The following FHIT variants were observed in gnomAD, a reference collection of about 807,000 sequenced individuals.
The protein encoded by FHIT is fragile histidine triad diadenosine triphosphatase, also known as bis(5'-adenosyl)-triphosphatase.
FHIT carries 19 observed loss-of-function variants against 17.9 expected under a neutral mutation model. The observed-to-expected ratio is 1.06, with a 90% CI of 0.74 to 1.56. The LOEUF (loss-of-function observed/expected upper bound fraction) is 1.56. Among genes scored for constraint, FHIT ranks in the 40% most tolerant of loss-of-function variants. The pLI, the probability that FHIT is intolerant of heterozygous loss-of-function variation, is 0.00. For synonymous variants in FHIT, 81 were observed against 69.7 expected (o/e 1.16, Z -0.81); for missense variants, 248 against 189.2 (o/e 1.31, Z -1.82).
At chr3:60,354,394 C>T (rs35450604) in intron 5 of FHIT, among the ~76,000 whole-genome samples, 69,858 of 151,786 alleles carry the variant, frequency 0.46, 16,835 homozygotes, top group South Asian at 0.6. Flanking sequence ...TGAAGGCATA[C>T]ATTCCTATAC....
intron 4 of FHIT, among the ~76,000 whole-genome samples, chr3:60,746,232 C>T (rs75966640): frequency 0.027 from 4,176 of 152,310 alleles, 108 homozygotes; most frequent in African/African-American, 0.061. Flanking sequence ...AAAGGTTTCT[C>T]TTCATTTCCC....
intron 2 of FHIT, among the ~76,000 whole-genome samples, chr3:61,077,665 C>G (rs2035012625): frequency 6.6e-6 from 1 of 152,132 alleles, no homozygotes; most frequent in South Asian, 2.1e-4. Context: ...TAAGAACTCT[C>G]AGCTCAAAAG....
chr3:60,512,326 C>T (rs2034982730), intron 5 of FHIT, among the ~76,000 whole-genome samples: 1 of 152,154 alleles, frequency 6.6e-6, no homozygotes, highest in African/African-American at 2.4e-5. Flanking sequence ...AGCCAGTCAG[C>T]AACAGACTCA....
intron 5 of FHIT, among the ~76,000 whole-genome samples, chr3:60,213,180 T>C (rs995965979): frequency 4.6e-5 from 7 of 152,148 alleles, no homozygotes; most frequent in Admixed American, 3.3e-4. Flanking sequence ...ATTCCAATGA[T>C]AGAGAGAACA....
intron 5 of FHIT, among the ~76,000 whole-genome samples, chr3:60,193,847 A>G (rs1336739095): frequency 6.6e-6 from 1 of 152,202 alleles, no homozygotes; most frequent in Non-Finnish European, 1.5e-5. Flanking sequence ...CACCTCAGCC[A>G]AAGTGGTTCA....
At chr3:60,196,200 C>G (rs945301747) in intron 5 of FHIT, among the ~76,000 whole-genome samples, 2 of 152,130 alleles carry the variant, frequency 1.3e-5, no homozygotes, top group African/African-American at 4.8e-5. Flanking sequence ...ATGGCTGTCA[C>G]TGGGGTAAAA....
At position 59,749,465 on chromosome 3, in the gene FHIT, A is replaced by G; in HGVS notation, c.*120T>C. The G allele has an allele frequency of 4.3e-6, 1 of 231,794 alleles. No homozygotes were observed. The highest frequency in any genetic ancestry group is 1.8e-4 in the South Asian group (1 of 5,494). 14.4% of individuals were successfully genotyped at this position (231,794 alleles called of 1,614,324 possible). ...ACTGGTTGAAGAATACAGGATGGTG[A>G]GATGAAGAAACTGCATTTTCATGCT... On this transcript the variant is annotated 3_prime_UTR_variant, in exon 10 of 10. Transcript: ENST00000492590.
chr3:60,142,094 G>T (rs1274086893), intron 5 of FHIT, among the ~76,000 whole-genome samples: 1 of 152,132 alleles, frequency 6.6e-6, no homozygotes, highest in Non-Finnish European at 1.5e-5. Context: ...ATCCATTCCT[G>T]TTATCCTTTT....
At chr3:60,231,144 T>C (rs1024434273) in intron 5 of FHIT, among the ~76,000 whole-genome samples, 1 of 152,198 alleles carries the variant, frequency 6.6e-6, no homozygotes, top group Non-Finnish European at 1.5e-5. Context: ...ATGCTCATAT[T>C]TGTGAAATGG....
intron 2 of FHIT, among the ~76,000 whole-genome samples, chr3:61,043,079 G>A (rs570783447): frequency 1.9e-4 from 29 of 152,130 alleles, no homozygotes; most frequent in Admixed American, 4.6e-4. Flanking sequence ...TTCCAACTGA[G>A]GTACCGGGTT....
At chr3:60,424,543 C>G (rs1576632441) in intron 5 of FHIT, among the ~76,000 whole-genome samples, 1 of 152,130 alleles carries the variant, frequency 6.6e-6, no homozygotes, top group East Asian at 1.9e-4. Flanking sequence ...GTCACAATCT[C>G]TTGTGCTCTG....
At chr3:60,343,733 T>G (rs1364245003) in intron 5 of FHIT, among the ~76,000 whole-genome samples, 1 of 152,136 alleles carries the variant, frequency 6.6e-6, no homozygotes, top group East Asian at 1.9e-4. Flanking sequence ...CACATTCTGA[T>G]GCACTGTGGA....
Position 59,760,275 on chromosome 3 carries a change from C to G in FHIT, c.349-7954G>C, listed in dbSNP as rs183762309. On this transcript the variant is annotated intron_variant, in intron 8 of 9. Coordinates refer to ENST00000492590, the MANE Select transcript of FHIT (RefSeq NM_002012.4). ...TTGGATGTTTAAGAATTTGTAACCC[C>G]CAAAAGTAAGTATTAACTAGAAAAT... Among the ~76,000 whole-genome samples, 59 of 152,144 alleles carry G rather than the reference C, an allele frequency of 3.9e-4. 1 individual carries two copies. Among genetic ancestry groups the G allele is most frequent in the African/African-American group, 1.4e-3 (57 of 41,506 alleles).
Position 60,369,737 on chromosome 3 carries a change from C to A in FHIT, c.103+167123G>T, listed in dbSNP as rs1236531975. On this transcript the variant is annotated intron_variant, in intron 5 of 9. Transcript: ENST00000492590. The stretch of plus-strand genomic sequence containing the variant: ...ACCTTCTACACTGGCTGCGACAGGA[C>A]TCCAATATCTCTCAGCATTGTGTGA... Among the ~76,000 whole-genome samples the A allele has an allele frequency of 7.5e-4, 114 of 152,128 alleles. 1 individual carries two copies. The highest frequency in any genetic ancestry group is 4.4e-5 in the Non-Finnish European group (3 of 68,024).
intron 5 of FHIT, among the ~76,000 whole-genome samples, chr3:60,437,559 G>A (rs2030386429): frequency 6.6e-6 from 1 of 152,004 alleles, no homozygotes; most frequent in Non-Finnish European, 1.5e-5. Flanking sequence ...GAGATTACAT[G>A]CATCATCTCA....
chr3:60,840,720 A>T (rs576781231), intron 3 of FHIT, among the ~76,000 whole-genome samples: 3 of 152,312 alleles, frequency 2.0e-5, no homozygotes, highest in African/African-American at 4.8e-5. Flanking sequence ...TCTTATAATT[A>T]TGTGACAAAT....
chr3:60,406,402 C>T (rs1033931087), intron 5 of FHIT, among the ~76,000 whole-genome samples: 1 of 152,138 alleles, frequency 6.6e-6, no homozygotes, highest in Non-Finnish European at 1.5e-5. Flanking sequence ...TCAAACAAGG[C>T]GTGGCTGAAA....
chr3:60,667,134 A>G (rs1214457668), intron 4 of FHIT, among the ~76,000 whole-genome samples: 2 of 147,228 alleles, frequency 1.4e-5, no homozygotes, highest in Non-Finnish European at 3.0e-5. Flanking sequence ...GCCTCCCAAA[A>G]TGCTGAGATT....
At chr3:60,596,282 C>G (rs1445378354) in intron 4 of FHIT, among the ~76,000 whole-genome samples, 1 of 152,086 alleles carries the variant, frequency 6.6e-6, no homozygotes, top group African/African-American at 2.4e-5. Flanking sequence ...CAAGGTCATT[C>G]GAGCCCAAAC....
Sources: gnomAD v4.1 joint callset for allele counts (sites outside exome capture counted in the v4.1 genomes callset) on GRCh38, gnomAD v4.1.1 for gene constraint, MANE v1.5 for transcripts, NCBI Gene and HGNC (gene_info 2026-07-23, HGNC 2026-07-21) for gene names.